PRKCQ: variants seen among roughly 807,000 people sequenced by gnomAD.
The protein encoded by PRKCQ is protein kinase C theta type.
Under a neutral mutation model 91.2 loss-of-function variants are expected in PRKCQ, and 41 were observed. The observed-to-expected ratio is 0.45, with a 90% CI of 0.35 to 0.58. The LOEUF (loss-of-function observed/expected upper bound fraction) is 0.58. Among genes scored for constraint, PRKCQ ranks in the 20% least tolerant of loss-of-function variants. The pLI, the probability that PRKCQ is intolerant of heterozygous loss-of-function variation, is 0.00. For synonymous variants in PRKCQ, 307 were observed against 316.9 expected, an observed-to-expected ratio of 0.97 and a Z score of 0.33; for missense variants, 673 against 896.5, an observed-to-expected ratio of 0.75 and a Z score of 3.18.
chr10:6,404,168 A>C, the PRKCQ span, among the ~76,000 whole-genome samples: 1 of 150,876 alleles, frequency 6.6e-6, no homozygotes, highest in South Asian at 2.1e-4. Context: ...AGATTAGATA[A>C]GGGCAAAAAT....
chr10:6,403,708 G>A, the PRKCQ span, among the ~76,000 whole-genome samples: 1 of 152,146 alleles, frequency 6.6e-6, no homozygotes, highest in African/African-American at 2.4e-5. Flanking sequence ...TTGCAATCCA[G>A]TGTTTATCTC....
chr10:6,561,465 T>C, intron 1 of PRKCQ, among the ~76,000 whole-genome samples: 1 of 152,022 alleles, frequency 6.6e-6, no homozygotes, highest in South Asian at 2.1e-4. Flanking sequence ...ATCTTGTGCT[T>C]CAGGACCCTG....
At chr10:6,461,650 T>C (rs1835357644) in intron 14 of PRKCQ, among the ~76,000 whole-genome samples, 1 of 152,204 alleles carries the variant, frequency 6.6e-6, no homozygotes, top group Non-Finnish European at 1.5e-5. Context: ...CTACACTCTG[T>C]AAGCACCAAA....
the PRKCQ span, among the ~76,000 whole-genome samples, chr10:6,406,338 A>G: frequency 6.6e-6 from 1 of 150,848 alleles, no homozygotes; most frequent in African/African-American, 2.4e-5. Context: ...TTTCATGACT[A>G]AAGTAGGAAA....
At position 6,535,754 on chromosome 10, in the gene PRKCQ, G is replaced by A. The variant is rs190000167; in HGVS notation, c.-9-20610C>T. Reference sequence around the variant, plus strand: ...CTCCCCTCGCCGCGCCTCTTTAGACGCACCTGAGATCCATCAAAGCGGACA... The same window carrying A: ...CTCCCCTCGCCGCGCCTCTTTAGACACACCTGAGATCCATCAAAGCGGACA... On this transcript the variant is annotated intron_variant, in intron 1 of 17. Transcript: ENST00000263125. 3.0e-3 allele frequency among the ~76,000 whole-genome samples: 457 copies of A among 152,182 alleles called. 2 individuals carry two copies. Among genetic ancestry groups the A allele is most frequent in the African/African-American group, 0.01 (435 of 41,520 alleles).
chr10:6,480,509 T>A (rs1332474693), intron 11 of PRKCQ, among the ~76,000 whole-genome samples: 2 of 152,236 alleles, frequency 1.3e-5, no homozygotes, highest in East Asian at 3.8e-4. Context: ...GGCATGGCAT[T>A]TGGATACAGA....
chr10:6,492,108 G>A (rs1837336487), intron 7 of PRKCQ, among the ~76,000 whole-genome samples: 1 of 152,092 alleles, frequency 6.6e-6, no homozygotes, highest in African/African-American at 2.4e-5. Context: ...GACTGCATGA[G>A]GGTTATTTTA....
At chr10:6,556,438 A>G (rs78987453) in intron 1 of PRKCQ, among the ~76,000 whole-genome samples, 1 of 148,828 alleles carries the variant, frequency 6.7e-6, no homozygotes, top group Non-Finnish European at 1.5e-5. Context: ...TCTTGGGAAA[A>G]AAAAAAAAAA....
intron 16 of PRKCQ, among the ~76,000 whole-genome samples, chr10:6,434,632 C>G (rs911782564): frequency 1.3e-5 from 2 of 152,140 alleles, no homozygotes; most frequent in Admixed American, 6.5e-5. Flanking sequence ...TAAAAGCTGT[C>G]AGGACGGAGG....
At chr10:6,528,264 C>T (rs1839267121) in intron 1 of PRKCQ, among the ~76,000 whole-genome samples, 8 of 152,088 alleles carry the variant, frequency 5.3e-5, no homozygotes, top group Admixed American at 5.2e-4. Flanking sequence ...GCCTCAGTCA[C>T]TCATTTTTTG....
At chr10:6,521,740 A>G (rs1437239534) in intron 1 of PRKCQ, among the ~76,000 whole-genome samples, 10 of 152,164 alleles carry the variant, frequency 6.6e-5, no homozygotes, top group Non-Finnish European at 1.2e-4. Context: ...GAGCTCCCAC[A>G]AAACCCTCCA....
downstream of PRKCQ, among the ~76,000 whole-genome samples, chr10:6,426,595 G>A (rs939303241): frequency 3.9e-5 from 6 of 152,158 alleles, no homozygotes; most frequent in South Asian, 2.1e-4. Context: ...GAGGTTACTC[G>A]TGTTCATTTT....
At chr10:6,479,767 T>TGAA (rs1836482326) in intron 11 of PRKCQ, among the ~76,000 whole-genome samples, 1 of 38,988 alleles carries the variant, frequency 2.6e-5, no homozygotes, top group East Asian at 8.8e-4. Context: ...CCGTCTCGAC[T>TGAA]AAAAAAAAAA....
intron 1 of PRKCQ, among the ~76,000 whole-genome samples, chr10:6,521,865 G>A (rs1008856798): frequency 4.6e-5 from 7 of 152,038 alleles, no homozygotes; most frequent in African/African-American, 1.4e-4. Flanking sequence ...TACCCCAGCT[G>A]CAAAACACCA....
At chr10:6,574,559 C>A (rs1371582930) in intron 1 of PRKCQ, among the ~76,000 whole-genome samples, 1 of 152,190 alleles carries the variant, frequency 6.6e-6, no homozygotes, top group African/African-American at 2.4e-5. Context: ...CTGACTCCTC[C>A]AGCTCCACCC....
intron 7 of PRKCQ, among the ~76,000 whole-genome samples, chr10:6,492,880 C>T (rs1472453866): frequency 6.6e-6 from 1 of 152,198 alleles, no homozygotes; most frequent in African/African-American, 2.4e-5. Flanking sequence ...CCTTATTCAT[C>T]AGCACAGCAA....
chr10:6,555,446 T>C (rs1161934986), intron 1 of PRKCQ, among the ~76,000 whole-genome samples: 4 of 152,132 alleles, frequency 2.6e-5, no homozygotes, highest in Non-Finnish European at 5.9e-5. Flanking sequence ...ACAACAGACA[T>C]TCAGTGAATA....
At chr10:6,395,056 CTT>C in the PRKCQ span, among the ~76,000 whole-genome samples, 9 of 66,994 alleles carry the variant, frequency 1.3e-4, no homozygotes, top group Admixed American at 1.5e-3. Flanking sequence ...AAGCTGGAGT[CTT>C]TTTTTTTTTT....
chr10:6,545,618 G>T (rs1368003514), intron 1 of PRKCQ, among the ~76,000 whole-genome samples: 1 of 152,182 alleles, frequency 6.6e-6, no homozygotes, highest in East Asian at 1.9e-4. Flanking sequence ...GCTTGATGGG[G>T]ACAGAGTCTC....
Sources: gnomAD v4.1 joint callset for allele counts (sites outside exome capture counted in the v4.1 genomes callset) on GRCh38, gnomAD v4.1.1 for gene constraint, MANE v1.5 for transcripts, NCBI Gene and HGNC (gene_info 2026-07-23, HGNC 2026-07-21) for gene names.